Variants in SLC25A26 observed in about 807,000 individuals in gnomAD.
The protein encoded by SLC25A26 is solute carrier family 25 member 26.
Under a neutral mutation model 37.8 loss-of-function variants are expected in SLC25A26, and 36 were observed. That is an observed-to-expected ratio of 0.95 (90% CI 0.73 to 1.26). The LOEUF is 1.26. SLC25A26 is among the 50% of genes most tolerant of loss of function. The pLI is 0.00. For synonymous variants in SLC25A26, 129 were observed against 122.5 expected (o/e 1.05, Z -0.35); for missense variants, 390 against 331.1 (o/e 1.18, Z -1.38).
At chr3:66,334,834 C>G (rs79475987) in intron 5 of SLC25A26, among the ~76,000 whole-genome samples, 2 of 152,024 alleles carry the variant, frequency 1.3e-5, no homozygotes, top group Non-Finnish European at 2.9e-5. Context: ...TGTATGCCAC[C>G]GAGATTTGAG....
chr3:66,194,624 G>C (rs1167146549), intron 1 of SLC25A26, among the ~76,000 whole-genome samples: 2 of 152,198 alleles, frequency 1.3e-5, no homozygotes, highest in African/African-American at 4.8e-5. Context: ...CTTTTTTTGA[G>C]ACGGAGTTAC....
intron 1 of SLC25A26, among the ~76,000 whole-genome samples, chr3:66,210,312 T>C (rs1482481052): frequency 2.6e-5 from 4 of 151,876 alleles, no homozygotes; most frequent in African/African-American, 9.7e-5. Context: ...GGAAAAAATA[T>C]GATGCTATGG....
At chr3:66,197,278 A>G (rs1024637189) in intron 1 of SLC25A26, among the ~76,000 whole-genome samples, 1 of 152,190 alleles carries the variant, frequency 6.6e-6, no homozygotes, top group Non-Finnish European at 1.5e-5. Flanking sequence ...GGTGAAGGTC[A>G]GTGTCAGAGT....
chr3:66,214,866 G>T, intron 1 of SLC25A26, among the ~76,000 whole-genome samples: 1 of 152,148 alleles, frequency 6.6e-6, no homozygotes, highest in South Asian at 2.1e-4. Flanking sequence ...GGTGGCTCAT[G>T]CCTGTAATCC....
intron 1 of SLC25A26, among the ~76,000 whole-genome samples, chr3:66,225,280 C>T (rs1300398203): frequency 6.6e-6 from 1 of 152,214 alleles, no homozygotes; most frequent in Non-Finnish European, 1.5e-5. Context: ...GAAATCTAGG[C>T]AGAGGTTCCC....
chr3:66,367,521 T>C (rs1399381016), intron 7 of SLC25A26, among the ~76,000 whole-genome samples: 1 of 152,202 alleles, frequency 6.6e-6, no homozygotes, highest in Non-Finnish European at 1.5e-5. Flanking sequence ...TCTTTCCAAC[T>C]CCAAAGAAGG....
chr3:66,342,431 G>A (rs542791464), intron 5 of SLC25A26, among the ~76,000 whole-genome samples: 15 of 152,204 alleles, frequency 9.9e-5, no homozygotes, highest in Non-Finnish European at 1.3e-4. Context: ...GTATTGTAAT[G>A]TAATTTTTTA....
chr3:66,247,028 AT>A (rs1054223567), intron 3 of SLC25A26, among the ~76,000 whole-genome samples: 2 of 150,564 alleles, frequency 1.3e-5, no homozygotes, highest in Non-Finnish European at 3.0e-5. Context: ...CACCCGGCTA[AT>A]TTTTTTTTGT....
intron 5 of SLC25A26, among the ~76,000 whole-genome samples, chr3:66,286,448 G>T (rs2074515692): frequency 6.6e-6 from 1 of 151,890 alleles, no homozygotes; most frequent in Non-Finnish European, 1.5e-5. Context: ...TTGTTGAAAA[G>T]ATTTTTTTTT....
Position 66,346,307 on chromosome 3 carries a change from C to A in SLC25A26, c.454-57C>A, listed in dbSNP as rs2076321049. ...ATATTTACAGGCTCGTATAGTCATA[C>A]AGGCAAACTTGGCTCTTTTTTGCCT... On this transcript the variant is annotated intron_variant, in intron 5 of 9. Coordinates refer to ENST00000354883, the MANE Select transcript of SLC25A26 (RefSeq NM_001379210.1). The A allele has an allele frequency of 4.6e-6, 4 of 862,170 alleles. No individual in the cohort carries two copies. In the South Asian group the frequency reaches 7.2e-5, roughly 16 times the overall value. The allele number at this position is 862,170 out of a possible 1,614,324, so 53.4% of individuals were successfully genotyped here.
In SLC25A26 at chr3:66,139,191, C is replaced by A. The variant is rs191384998; in HGVS notation, c.-354+5207C>A. Among the ~76,000 whole-genome samples, 210 of 152,182 alleles carry A rather than the reference C, an allele frequency of 1.4e-3. No homozygotes were observed. In the Middle Eastern group the frequency reaches 0.02, roughly 15 times the overall value. ...TTTCTCTGTTTCACCTTCTGTGCCA[C>A]CCCGCCCACCTCCTTGATAGTGCCA... On this transcript the variant is annotated intron_variant, in intron 1 of 10. Coordinates refer to the SLC25A26 transcript ENST00000676754.
chr3:66,352,288 C>A (rs958794316), intron 6 of SLC25A26, among the ~76,000 whole-genome samples: 4 of 152,088 alleles, frequency 2.6e-5, no homozygotes, highest in Admixed American at 2.6e-4. Flanking sequence ...GAAAAATAAA[C>A]CCAGAGCTTA....
intron 5 of SLC25A26, among the ~76,000 whole-genome samples, chr3:66,267,335 G>A (rs1295088206): frequency 6.6e-6 from 1 of 152,204 alleles, no homozygotes; most frequent in African/African-American, 2.4e-5. Flanking sequence ...GCTTATTGAA[G>A]CAGAATTGGG....
In SLC25A26 at chr3:66,236,593, A is replaced by G. The variant is rs1241855761; in HGVS notation, c.83A>G (p.Asp28Gly). Residue 28 changes from aspartate (D) to glycine (G), a missense_variant, in exon 2 of 10, where the codon GAT becomes GGT. Asp to Gly is a moderately conservative substitution (Grantham distance 94). Coordinates refer to ENST00000354883, the MANE Select transcript of SLC25A26 (RefSeq NM_001379210.1). ...VSVDLILFPL[D>G]TIKTRLQSPQ... ...GTTGACTTGATATTATTTCCTCTGG[A>G]TACCATTAAAACCAGGCTGCAGAGT... 4.0e-6 allele frequency: 6 copies of G among 1,508,628 alleles called. No individual in the cohort carries two copies. In the East Asian group the frequency reaches 7.4e-5, roughly 19 times the overall value. 93.5% of individuals were successfully genotyped at this position (1,508,628 alleles called of 1,614,324 possible).
At chr3:66,194,837 G>A (rs1576631091) in intron 1 of SLC25A26, among the ~76,000 whole-genome samples, 1 of 152,228 alleles carries the variant, frequency 6.6e-6, no homozygotes, top group Admixed American at 6.5e-5. Context: ...CCGACCCCAG[G>A]TGATCCGCCC....
At chr3:66,169,772 A>C (rs1559558768) in intron 1 of SLC25A26, among the ~76,000 whole-genome samples, 1 of 152,198 alleles carries the variant, frequency 6.6e-6, no homozygotes, top group Admixed American at 6.5e-5. Flanking sequence ...GAACATTAGG[A>C]GGAACTATGG....
intron 2 of SLC25A26, among the ~76,000 whole-genome samples, chr3:66,238,557 A>G (rs984334171): frequency 1.1e-4 from 16 of 151,746 alleles, no homozygotes; most frequent in Non-Finnish European, 2.1e-4. Flanking sequence ...TAATTTTTTT[A>G]TTTTTAGTAG....
intron 1 of SLC25A26, among the ~76,000 whole-genome samples, chr3:66,233,144 A>C (rs1441835201): frequency 6.6e-6 from 1 of 152,264 alleles, no homozygotes; most frequent in Non-Finnish European, 1.5e-5. Context: ...AGAGGGGAGC[A>C]GCAATGCTGT....
chr3:66,251,834 A>G (rs2073096513), intron 3 of SLC25A26, among the ~76,000 whole-genome samples: 1 of 152,148 alleles, frequency 6.6e-6, no homozygotes, highest in South Asian at 2.1e-4. Flanking sequence ...CTAATATAGT[A>G]TGCAGTGTTA....
Sources: allele counts gnomAD v4.1 joint callset (sites outside exome capture counted in the v4.1 genomes callset), GRCh38; gene constraint gnomAD v4.1.1; transcripts MANE v1.5; gene names NCBI Gene and HGNC (gene_info 2026-07-23, HGNC 2026-07-21).